Variants in ABTB3 observed in about 807,000 individuals in gnomAD.
ABTB3 encodes the protein ankyrin repeat- and BTB/POZ domain-containing protein 3.
the ABTB3 span, among the ~76,000 whole-genome samples, chr12:107,412,066 G>A: frequency 2.6e-5 from 4 of 152,306 alleles, no homozygotes; most frequent in African/African-American, 9.6e-5. Context: ...TGCTGTTTAG[G>A]AATGGTGGAT....
At chr12:107,444,386 G>A in the ABTB3 span, among the ~76,000 whole-genome samples, 985 of 152,292 alleles carry the variant, frequency 6.5e-3, 4 homozygotes, top group Non-Finnish European at 9.5e-3. Context: ...AGGCCTGTTA[G>A]GGACACTGGC....
the ABTB3 span, among the ~76,000 whole-genome samples, chr12:107,377,654 C>G: frequency 1.3e-5 from 2 of 152,278 alleles, no homozygotes; most frequent in South Asian, 4.1e-4. Context: ...AGACGAATAA[C>G]TCTTTGCTGA....
the ABTB3 span, chr12:107,520,606 G>T: frequency 6.2e-7 from 1 of 1,614,192 alleles, no homozygotes; most frequent in Non-Finnish European, 8.5e-7. Flanking sequence ...GTCTTTGCTG[G>T]CCACGCGCGT....
chr12:107,564,088 CTCTGTGTGTGTG>C, the ABTB3 span, among the ~76,000 whole-genome samples: 1,545 of 138,058 alleles, frequency 0.011, 18 homozygotes, highest in Middle Eastern at 0.031. Flanking sequence ...CTATCTATCT[CTCTGTGTGTGTG>C]TGTGTGTGTG....
chr12:107,607,606 C>T, the ABTB3 span, among the ~76,000 whole-genome samples: 1 of 152,150 alleles, frequency 6.6e-6, no homozygotes, highest in African/African-American at 2.4e-5. Flanking sequence ...ACGTTTAGGT[C>T]CTGAGACAGG....
At chr12:107,563,888 G>A in the ABTB3 span, among the ~76,000 whole-genome samples, 2 of 152,166 alleles carry the variant, frequency 1.3e-5, no homozygotes, top group African/African-American at 2.4e-5. Context: ...TGACAGATGC[G>A]AATGTAGGTT....
At chr12:107,389,888 ATCTG>A in the ABTB3 span, among the ~76,000 whole-genome samples, 2 of 144,786 alleles carry the variant, frequency 1.4e-5, no homozygotes, top group African/African-American at 5.3e-5. Context: ...GTGTGTATGT[ATCTG>A]TCTGTTCTCC....
the ABTB3 span, among the ~76,000 whole-genome samples, chr12:107,364,474 A>T: frequency 6.6e-6 from 1 of 151,882 alleles, no homozygotes; most frequent in African/African-American, 2.4e-5. Flanking sequence ...TGTTTTTAGT[A>T]GACATGGGCT....
chr12:107,630,008 G>A, the ABTB3 span, among the ~76,000 whole-genome samples: 5 of 152,156 alleles, frequency 3.3e-5, no homozygotes, highest in African/African-American at 1.2e-4. Context: ...TGGGTCCCAG[G>A]TAACCAGGAC....
chr12:107,491,675 T>C, the ABTB3 span, among the ~76,000 whole-genome samples: 1 of 152,018 alleles, frequency 6.6e-6, no homozygotes, highest in Non-Finnish European at 1.5e-5. Context: ...ACACAAAAAT[T>C]AACTAGACGT....
the ABTB3 span, among the ~76,000 whole-genome samples, chr12:107,398,923 T>A: frequency 6.6e-6 from 1 of 152,130 alleles, no homozygotes; most frequent in East Asian, 1.9e-4. Flanking sequence ...TTCTGTATGA[T>A]CCTAGACAAG....
At chr12:107,487,170 G>A in the ABTB3 span, among the ~76,000 whole-genome samples, 117 of 152,254 alleles carry the variant, frequency 7.7e-4, 1 homozygote, top group African/African-American at 2.6e-3. Flanking sequence ...ACACAGAGAA[G>A]GGGTCACCTT....
the ABTB3 span, among the ~76,000 whole-genome samples, chr12:107,424,668 G>T: frequency 0.27 from 41,317 of 152,018 alleles, 7,022 homozygotes; most frequent in African/African-American, 0.47. Context: ...GGAAGGAAGA[G>T]TCAAAACTCT....
At chr12:107,505,223 T>G in the ABTB3 span, among the ~76,000 whole-genome samples, 22 of 152,228 alleles carry the variant, frequency 1.4e-4, no homozygotes, top group African/African-American at 4.3e-4. Flanking sequence ...AGGTACTTAA[T>G]GAATCAGAAT....
chr12:107,571,495 T>G, the ABTB3 span, among the ~76,000 whole-genome samples: 1 of 152,256 alleles, frequency 6.6e-6, no homozygotes, highest in Admixed American at 6.5e-5. Flanking sequence ...CCACCCTGGC[T>G]TTTGCCTCTT....
chr12:107,541,183 A>G, the ABTB3 span, among the ~76,000 whole-genome samples: 1 of 152,230 alleles, frequency 6.6e-6, no homozygotes, highest in African/African-American at 2.4e-5. Context: ...ACAGGAAGCC[A>G]GGAGATGAGT....
chr12:107,369,413 T>C, the ABTB3 span, among the ~76,000 whole-genome samples: 4 of 151,302 alleles, frequency 2.6e-5, no homozygotes, highest in Admixed American at 6.6e-5. Context: ...TTTTTTTCTT[T>C]TTGAGATGGA....
At chr12:107,356,527 T>A in the ABTB3 span, among the ~76,000 whole-genome samples, 1 of 152,138 alleles carries the variant, frequency 6.6e-6, no homozygotes. Flanking sequence ...TTCCAGGTGT[T>A]TCAAGCTCTT....
chr12:107,397,118 G>C, the ABTB3 span, among the ~76,000 whole-genome samples: 3 of 152,240 alleles, frequency 2.0e-5, no homozygotes, highest in African/African-American at 7.2e-5. Flanking sequence ...TGGAACCCCA[G>C]TGGGAGGTAT....
Sources: gnomAD v4.1 joint callset for allele counts (sites outside exome capture counted in the v4.1 genomes callset) on GRCh38, gnomAD v4.1.1 for gene constraint, MANE v1.5 for transcripts, NCBI Gene and HGNC (gene_info 2026-07-23, HGNC 2026-07-21) for gene names.